MCPH1: variants seen among roughly 807,000 people sequenced by gnomAD.
The protein encoded by MCPH1 is microcephalin.
A neutral mutation model predicts 84.5 loss-of-function variants in MCPH1; 104 were observed. That is an observed-to-expected ratio of 1.23 (90% CI 1.05 to 1.45). The LOEUF is 1.45. Among genes scored for constraint, MCPH1 ranks in the 40% most tolerant of loss-of-function variants. MCPH1 has a pLI of 0.00. For synonymous variants in MCPH1, 514 were observed against 366.8 expected (o/e 1.40, Z -4.58); for missense variants, 1,498 against 1,005.7 (o/e 1.49, Z -6.62).
At chr8:6,607,664 T>C (rs1490747965) in intron 12 of MCPH1, among the ~76,000 whole-genome samples, 3 of 152,190 alleles carry the variant, frequency 2.0e-5, no homozygotes, top group Non-Finnish European at 4.4e-5. Context: ...TTTCCCCCCA[T>C]ACAGTTCTCA....
At chr8:6,541,888 GTCCT>G (rs1313189739) in intron 12 of MCPH1, among the ~76,000 whole-genome samples, 1 of 151,814 alleles carries the variant, frequency 6.6e-6, no homozygotes, top group Non-Finnish European at 1.5e-5. Flanking sequence ...CATGCCTGTG[GTCCT>G]AGCTACTCAG....
At chr8:6,563,184 G>A (rs1473671332) in intron 12 of MCPH1, 3 of 350,254 alleles carry the variant, frequency 8.6e-6, no homozygotes, top group Non-Finnish European at 1.6e-5. Context: ...GGCTGTGTCA[G>A]CTTTTACAGA....
In MCPH1 at chr8:6,445,869, G is replaced by T. The variant is rs1448451710; in HGVS notation, c.1825+322G>T. ...AAGTCTTTTTCCTTATTCCATTGGA[G>T]TCTTGGCGCTGCAGCGTGTGTAAAG... is the stretch of plus-strand genomic sequence containing the variant. On this transcript the variant is annotated intron_variant, in intron 8 of 13. Transcript: ENST00000344683. 2.8e-6 allele frequency: 3 copies of T among 1,069,196 alleles called. No individual in the cohort carries two copies. The South Asian group carries it at 1.1e-4, about 40-fold the overall frequency. The allele number at this position is 1,069,196 out of a possible 1,614,324, so 66.2% of individuals were successfully genotyped here. A position where few individuals can be genotyped will look rare whatever the true frequency, so the allele number is the denominator to read the frequency against.
At chr8:6,464,905 A>C (rs539782731) in intron 9 of MCPH1, among the ~76,000 whole-genome samples, 113 of 152,292 alleles carry the variant, frequency 7.4e-4, no homozygotes, top group Non-Finnish European at 1.4e-3. Context: ...AGACTAAGGC[A>C]GGACAATCAC....
intron 12 of MCPH1, among the ~76,000 whole-genome samples, chr8:6,575,439 G>A (rs1586683131): frequency 1.3e-5 from 2 of 152,324 alleles, no homozygotes; most frequent in East Asian, 3.9e-4. Flanking sequence ...GGCTCTAGAA[G>A]AGATAATGAT....
chr8:6,564,265 C>G (rs1031694259), intron 12 of MCPH1, among the ~76,000 whole-genome samples: 1 of 152,194 alleles, frequency 6.6e-6, no homozygotes, highest in Non-Finnish European at 1.5e-5. Context: ...GTGTGAGTCA[C>G]CATGCCTGGC....
At chr8:6,411,060 A>C (rs1160104579) in intron 2 of MCPH1, among the ~76,000 whole-genome samples, 1 of 152,180 alleles carries the variant, frequency 6.6e-6, no homozygotes, top group African/African-American at 2.4e-5. Context: ...ACTGCACTCC[A>C]GCCTGGGCGA....
At chr8:6,539,907 C>G (rs1304922169) in intron 12 of MCPH1, among the ~76,000 whole-genome samples, 8 of 152,194 alleles carry the variant, frequency 5.3e-5, no homozygotes, top group Admixed American at 5.2e-4. Flanking sequence ...TTATGAGTGA[C>G]TATCTGATAC....
At chr8:6,625,403 C>T (rs922361370) in intron 13 of MCPH1, 12 of 985,262 alleles carry the variant, frequency 1.2e-5, no homozygotes, top group Non-Finnish European at 1.4e-5. Context: ...GACTTTTTTT[C>T]CTCCCGTTCA....
intron 12 of MCPH1, among the ~76,000 whole-genome samples, chr8:6,530,023 A>T (rs1043806382): frequency 4.6e-5 from 7 of 151,718 alleles, no homozygotes; most frequent in African/African-American, 1.5e-4. Flanking sequence ...ATTTTTTTAA[A>T]TTTTTGCCAA....
intron 6 of MCPH1, among the ~76,000 whole-genome samples, chr8:6,439,353 T>C (rs1803149942): frequency 8.8e-6 from 1 of 114,124 alleles, no homozygotes; most frequent in African/African-American, 2.7e-5. Flanking sequence ...ATCTTTGGAA[T>C]TTTTTCTTTC....
chr8:6,406,884 C>A (rs550588038), intron 1 of MCPH1, among the ~76,000 whole-genome samples, 195 bp downstream of exon 1: 5 of 96,404 alleles, frequency 5.2e-5, no homozygotes, highest in African/African-American at 1.9e-4. Flanking sequence ...CTGCTCTCTC[C>A]CCCGCTGCCT....
intron 12 of MCPH1, chr8:6,532,397 T>C: frequency 6.2e-7 from 1 of 1,614,148 alleles, no homozygotes; most frequent in Non-Finnish European, 8.5e-7. Flanking sequence ...TTTGTCCCTA[T>C]TTCTATCATC....
intron 3 of MCPH1, among the ~76,000 whole-genome samples, chr8:6,420,378 G>T (rs1014774089): frequency 6.6e-6 from 1 of 152,008 alleles, no homozygotes; most frequent in Non-Finnish European, 1.5e-5. Flanking sequence ...TATTCTCCCC[G>T]ACTTTCTGCA....
At chr8:6,475,780 GGC>G (rs1412783853) in intron 9 of MCPH1, among the ~76,000 whole-genome samples, 1 of 152,130 alleles carries the variant, frequency 6.6e-6, no homozygotes, top group Non-Finnish European at 1.5e-5. Flanking sequence ...GTTTAAAACA[GGC>G]AGCCATGAGT....
At chr8:6,600,905 G>T (rs144088739) in intron 12 of MCPH1, among the ~76,000 whole-genome samples, 7 of 152,292 alleles carry the variant, frequency 4.6e-5, no homozygotes, top group Non-Finnish European at 1.0e-4. Flanking sequence ...CAGGAGACGG[G>T]AGCATGGTAC....
chr8:6,474,016 T>A (rs1808111681), intron 9 of MCPH1: 1 of 860,072 alleles, frequency 1.2e-6, no homozygotes, highest in East Asian at 2.4e-5. Context: ...TGTCTTTTAG[T>A]TTCTTCTCAT....
chr8:6,560,014 C>T (rs1260779176), intron 12 of MCPH1, among the ~76,000 whole-genome samples: 1 of 152,182 alleles, frequency 6.6e-6, no homozygotes, highest in Admixed American at 6.5e-5. Context: ...GTGAAACCTG[C>T]TTTCTTAGTC....
Position 6,499,994 on chromosome 8 carries a change from A to C in MCPH1, c.2214+65A>C, listed in dbSNP as rs149859830. 58 of 1,387,024 alleles carry C rather than the reference A, an allele frequency of 4.2e-5. No homozygotes were observed. The East Asian group carries it at 1.3e-3, about 31-fold the overall frequency. 85.9% of individuals were successfully genotyped at this position (1,387,024 alleles called of 1,614,324 possible). On this transcript the variant is annotated intron_variant, in intron 12 of 13. Transcript: ENST00000344683. ...CTGTTCTCAAGAAATTATTATAAAC[A>C]TAAGGGTGGACTTAAGTTTTTATCC...
Sources: allele counts gnomAD v4.1 joint callset (sites outside exome capture counted in the v4.1 genomes callset), GRCh38; gene constraint gnomAD v4.1.1; transcripts MANE v1.5; gene names NCBI Gene and HGNC (gene_info 2026-07-23, HGNC 2026-07-21).